Variants in ARHGAP19 observed in about 807,000 individuals in gnomAD.
ARHGAP19 encodes the protein Rho GTPase activating protein 19.
A neutral mutation model predicts 60.9 loss-of-function variants in ARHGAP19; 48 were observed. The ratio of observed to expected loss-of-function variants is 0.79; its 90% CI spans 0.62 to 1.00. ARHGAP19 has a LOEUF of 1.00. ARHGAP19 is among the 50% of genes least tolerant of loss of function. The probability of loss-of-function intolerance (pLI) is 0.00; values close to 1 mark genes in which losing one functional copy is unlikely to be tolerated. For synonymous variants in ARHGAP19, 209 were observed against 215.5 expected (o/e 0.97, Z 0.27); for missense variants, 562 against 597.2 (o/e 0.94, Z 0.61).
chr10:97,269,602 A>G (rs1173030114), intron 1 of ARHGAP19, among the ~76,000 whole-genome samples: 1 of 152,206 alleles, frequency 6.6e-6, no homozygotes, highest in Non-Finnish European at 1.5e-5. Context: ...ACGGGTCAAT[A>G]TAAGACTATT....
chr10:97,230,826 G>A (rs1850994320), intron 9 of ARHGAP19, among the ~76,000 whole-genome samples: 1 of 152,098 alleles, frequency 6.6e-6, no homozygotes, highest in Non-Finnish European at 1.5e-5. Flanking sequence ...AGCACTTTGG[G>A]ACGCTGAGGC....
intron 8 of ARHGAP19, among the ~76,000 whole-genome samples, chr10:97,239,911 T>G (rs1842451833): frequency 6.6e-6 from 1 of 151,884 alleles, no homozygotes; most frequent in African/African-American, 2.4e-5. Flanking sequence ...TTCTCCATGT[T>G]GGTCAGGCTC....
chr10:97,243,375 C>T (rs562540643), intron 8 of ARHGAP19, among the ~76,000 whole-genome samples: 1 of 152,308 alleles, frequency 6.6e-6, no homozygotes, highest in African/African-American at 2.4e-5. Context: ...ACAGAACTAA[C>T]TTAAACCACA....
intron 6 of ARHGAP19, among the ~76,000 whole-genome samples, chr10:97,250,787 C>T (rs1375489101): frequency 6.6e-6 from 1 of 151,802 alleles, no homozygotes; most frequent in Non-Finnish European, 1.5e-5. Context: ...GAAAGAAGGC[C>T]AAGAGCGGTG....
At chr10:97,235,165 T>C (rs1466811983) in intron 9 of ARHGAP19, 52 bp downstream of exon 9, 16 of 1,504,948 alleles carry the variant, frequency 1.1e-5, no homozygotes, top group Admixed American at 5.6e-5. Context: ...AAAAATCACA[T>C]TGTTACATTT....
chr10:97,265,936 T>A lies in ARHGAP19; in HGVS notation c.246A>T (p.Glu82Asp). Reference protein sequence around the residue: ...PGTELAQLMGEVDLKLPGGAG... With the variant: ...PGTELAQLMGDVDLKLPGGAG... ...CCCCGCCAGGCAACTTAAGGTCCAC[T>A]TCCCCCATCAGCTGAGCCAACTCAG... The change falls in exon 2 of 12, where the codon GAA (glutamate) becomes GAT (aspartate). Residue 82 changes from glutamate (E) to aspartate (D), a missense_variant. By Grantham distance (45) the Glu-to-Asp change is conservative. Coordinates refer to ENST00000358531, the MANE Select transcript of ARHGAP19 (RefSeq NM_032900.6). The A allele has an allele frequency of 5.6e-6, 9 of 1,614,142 alleles. No individual in the cohort carries two copies. Among genetic ancestry groups the A allele is most frequent in the Non-Finnish European group, 7.6e-6 (9 of 1,180,028 alleles).
chr10:97,258,812 C>G (rs966139022), intron 5 of ARHGAP19: 1 of 151,486 alleles, frequency 6.6e-6, no homozygotes, highest in Non-Finnish European at 1.5e-5. Flanking sequence ...GTGTTTTTAT[C>G]CCTCAGGCAT....
chr10:97,290,013 A>G (rs1196844671), intron 1 of ARHGAP19, among the ~76,000 whole-genome samples: 1 of 152,048 alleles, frequency 6.6e-6, no homozygotes, highest in East Asian at 1.9e-4. Flanking sequence ...AATCAAATGT[A>G]TCAATCACCT....
At chr10:97,260,350 G>A (rs1842814331) in intron 4 of ARHGAP19, among the ~76,000 whole-genome samples, 1 of 151,090 alleles carries the variant, frequency 6.6e-6, no homozygotes, top group Non-Finnish European at 1.5e-5. Flanking sequence ...CTAACACAGT[G>A]AAACCTGTCT....
chr10:97,291,373 T>A (rs1843229601), intron 1 of ARHGAP19, among the ~76,000 whole-genome samples: 2 of 152,214 alleles, frequency 1.3e-5, no homozygotes, highest in South Asian at 4.1e-4. Flanking sequence ...CAGGGTGGAA[T>A]GCAATGGCGC....
intron 8 of ARHGAP19, among the ~76,000 whole-genome samples, chr10:97,241,804 T>TC (rs1842487104): frequency 1.3e-5 from 2 of 151,808 alleles, no homozygotes; most frequent in South Asian, 4.1e-4. Context: ...GGTTAGGAGA[T>TC]CAAGACCATC....
At chr10:97,283,897 G>A (rs1455007466) in intron 1 of ARHGAP19, among the ~76,000 whole-genome samples, 1 of 149,276 alleles carries the variant, frequency 6.7e-6, no homozygotes, top group East Asian at 1.9e-4. Flanking sequence ...AAATTGGAGT[G>A]GCTAGTTTAC....
intron 7 of ARHGAP19, among the ~76,000 whole-genome samples, chr10:97,245,972 C>T (rs1034190180): frequency 2.6e-5 from 4 of 151,910 alleles, no homozygotes; most frequent in African/African-American, 4.8e-5. Flanking sequence ...CTGTGTTACC[C>T]AGGCTGGAGT....
rs1309021520 is a variant in ARHGAP19 at position 97,224,665 on chromosome 10, T to C, written c.*1457A>G. The C allele has an allele frequency of 6.6e-6, 1 of 152,260 alleles. No individual in the cohort carries two copies. Among genetic ancestry groups the C allele is most frequent in the East Asian group, 1.9e-4 (1 of 5,184 alleles). The allele number at this position is 152,260 out of a possible 1,614,324, so 9.4% of individuals were successfully genotyped here. On this transcript the variant is annotated 3_prime_UTR_variant, in exon 12 of 12. Transcript: ENST00000358531. Reference sequence around the variant, plus strand: ...TAGAAATAGGTCAGCAAACCACATTTTGTGGGGCAACTGCTTCCCCATAGT... The same window carrying C: ...TAGAAATAGGTCAGCAAACCACATTCTGTGGGGCAACTGCTTCCCCATAGT...
Position 97,225,857 on chromosome 10 carries a change from G to C in ARHGAP19, c.*265C>G, listed in dbSNP as rs371711711. Reference sequence around the variant, plus strand: ...GCACTGAAGCCCACCTTAGTGTGCTGTATAAGCTGGTTGGATAGTTAGTGG... The same window carrying C: ...GCACTGAAGCCCACCTTAGTGTGCTCTATAAGCTGGTTGGATAGTTAGTGG... On this transcript the variant is annotated 3_prime_UTR_variant, in exon 12 of 12. Coordinates refer to ENST00000358531, the MANE Select transcript of ARHGAP19 (RefSeq NM_032900.6). 9.8e-4 allele frequency: 490 copies of C among 499,372 alleles called. 6 individuals are homozygous for C. The South Asian group carries it at 0.013, about 13-fold the overall frequency. 30.9% of individuals were successfully genotyped at this position (499,372 alleles called of 1,614,324 possible). A position where few individuals can be genotyped will look rare whatever the true frequency, so the allele number is the denominator to read the frequency against.
intron 11 of ARHGAP19, among the ~76,000 whole-genome samples, chr10:97,227,088 T>C (rs1050181067): frequency 2.0e-5 from 3 of 152,220 alleles, no homozygotes; most frequent in Non-Finnish European, 4.4e-5. Flanking sequence ...CAACAAAGCA[T>C]TATCTGAACC....
intron 2 of ARHGAP19, chr10:97,265,628 A>T: frequency 2.0e-6 from 1 of 512,214 alleles, no homozygotes; most frequent in Non-Finnish European, 3.4e-6. Context: ...TAAGTTAATC[A>T]TGTCTTCTCT....
intron 7 of ARHGAP19, among the ~76,000 whole-genome samples, chr10:97,244,756 G>A (rs917670874): frequency 2.6e-5 from 4 of 152,188 alleles, no homozygotes; most frequent in African/African-American, 9.6e-5. Flanking sequence ...TGCTGAATAA[G>A]AGGGAGAAAC....
intron 9 of ARHGAP19, among the ~76,000 whole-genome samples, chr10:97,230,656 A>C (rs1349464032): frequency 6.6e-6 from 1 of 152,226 alleles, no homozygotes; most frequent in Non-Finnish European, 1.5e-5. Context: ...GAACATTCTG[A>C]TTTAATAAAT....
Sources: gnomAD v4.1 joint callset for allele counts (sites outside exome capture counted in the v4.1 genomes callset) on GRCh38, gnomAD v4.1.1 for gene constraint, MANE v1.5 for transcripts, NCBI Gene and HGNC (gene_info 2026-07-23, HGNC 2026-07-21) for gene names.